Variants in SETD1A observed in about 807,000 individuals in gnomAD.
SETD1A encodes SET domain containing 1A, histone lysine methyltransferase.
SETD1A carries 29 observed loss-of-function variants against 149.9 expected under a neutral mutation model. That is an observed-to-expected ratio of 0.19 (90% CI 0.14 to 0.26). The LOEUF (loss-of-function observed/expected upper bound fraction) is 0.26, where lower values mean the gene tolerates loss of function less well. Among genes scored for constraint, SETD1A ranks in the 10% least tolerant of loss-of-function variants. The probability of loss-of-function intolerance (pLI) is 1.00; values close to 1 mark genes in which losing one functional copy is unlikely to be tolerated. For missense variants in SETD1A, 2,109 were observed against 2,353.1 expected (o/e 0.90, Z 2.15); for synonymous variants, 1,141 against 968.5 (o/e 1.18, Z -3.31).
chr16:30,970,099 C>T (rs8050229), intron 12 of SETD1A, among the ~76,000 whole-genome samples: 13,727 of 151,684 alleles, frequency 0.09, 1,873 homozygotes, highest in African/African-American at 0.3. Context: ...TCCGTTGTAG[C>T]TGGGATTACA....
Position 30,979,940 on chromosome 16 carries a change from G to C in SETD1A, c.4154G>C (p.Gly1385Ala), listed in dbSNP as rs2056346112. 6 of 1,533,810 alleles carry C rather than the reference G, an allele frequency of 3.9e-6. No homozygotes were observed. The highest frequency in any genetic ancestry group is 2.3e-4 in the Middle Eastern group (1 of 4,384). Residue 1385 changes from glycine to alanine, a missense_variant, in exon 14 of 19, where the codon GGG (glycine) becomes GCG (alanine). Physicochemically the swap from Gly to Ala is moderately conservative, Grantham distance 60. Transcript: ENST00000262519. ...ESSDSSSSSD[G>A]EGALRRRSLR... ...TCTGACAGCAGCAGCAGCAGCGATG[G>C]GGAGGGCGCCCTCCGGAGGCGCAGC...
At position 30,961,533 on chromosome 16, in the gene SETD1A, C is replaced by T; in HGVS notation, c.513C>T (p.Ile171=). The T allele has an allele frequency of 6.2e-7, 1 of 1,613,532 alleles. No individual in the cohort carries two copies. The highest frequency in any genetic ancestry group is 1.1e-5 in the South Asian group (1 of 91,012). Residue 171 remains isoleucine (I), a synonymous_variant, in exon 4 of 19, where the codon ATC becomes ATT. Transcript: ENST00000262519. This position sits in a 1 kb window ranked among gnomAD's most constrained non-coding sequence, Gnocchi z 4.0. The stretch of plus-strand genomic sequence containing the variant: ...ACATCATCCATGCCCAGCTTGACAT[C>T]AAAGGTGAGGACTCCTCTGCCTGCC... The part of the protein sequence containing the change: ...MGNIIHAQLD[I]KGQQRMKYYE...
Position 30,966,016 on chromosome 16 carries a change from G to A in SETD1A, c.2135G>A (p.Gly712Glu). Residue 712 changes from glycine to glutamate, a missense_variant, in exon 8 of 19, where the codon GGG becomes GAG. Physicochemically the swap from Gly to Glu is moderately conservative, Grantham distance 98 (BLOSUM62 -2). Around this residue, in one of 8 missense-constraint regions of SETD1A, gnomAD observed 431 missense variants for 388.6 expected, o/e 1.11. Transcript: ENST00000262519. The part of the protein sequence containing the change: ...ASAGPPGGAF[G>E]EAFLPFPPPQ... ...GCTGGCCCCCCCGGTGGGGCCTTTG[G>A]GGAGGCCTTCCTCCCGTTTCCACCC... 2 of 1,568,230 alleles carry A rather than the reference G, an allele frequency of 1.3e-6. No homozygotes were observed. The highest frequency in any genetic ancestry group is 1.8e-5 in the Admixed American group (1 of 54,278).
At chr16:30,962,333 G>A (rs1304807773) in intron 4 of SETD1A, among the ~76,000 whole-genome samples, 1 of 152,118 alleles carries the variant, frequency 6.6e-6, no homozygotes, top group Non-Finnish European at 1.5e-5. Flanking sequence ...CCAAAGTACT[G>A]GTATTACAGG....
rs1416334764 is a variant in SETD1A, at chr16:30,965,671, C to T, written c.1790C>T (p.Ala597Val). 1 of 1,608,180 alleles carries T rather than the reference C, an allele frequency of 6.2e-7. No homozygotes were observed. The highest frequency in any genetic ancestry group is 1.4e-5 in the African/African-American group (1 of 73,938). Reference protein sequence around the residue: ...DDDRGGSPPPAPTPPQQPPPP... With the variant: ...DDDRGGSPPPVPTPPQQPPPP... ...GACCGGGGTGGCTCACCCCCTCCGG[C>T]CCCGACGCCCCCTCAGCAGCCTCCG... The change falls in exon 8 of 19, where the codon GCC becomes GTC. Residue 597 changes from alanine (A) to valine (V), a missense_variant. Around this residue, in one of 8 missense-constraint regions of SETD1A, gnomAD observed 431 missense variants for 388.6 expected, o/e 1.11. Coordinates refer to ENST00000262519, the MANE Select transcript of SETD1A (RefSeq NM_014712.3).
At chr16:30,967,912 A>G (rs2056170479) in intron 10 of SETD1A, among the ~76,000 whole-genome samples, 1 of 152,098 alleles carries the variant, frequency 6.6e-6, no homozygotes, top group Non-Finnish European at 1.5e-5. Flanking sequence ...ATGCCCTCCT[A>G]CCACCTTCCT....
In SETD1A at chr16:30,965,256, T is replaced by C; in HGVS notation, c.1514T>C (p.Phe505Ser). The change falls in exon 7 of 19, where the codon TTC (phenylalanine) becomes TCC (serine). Residue 505 changes from phenylalanine (F) to serine (S), a missense_variant. Physicochemically the swap from Phe to Ser is radical, Grantham distance 155. Transcript: ENST00000262519. ...LLKEQRSKFS[F>S]LASDTEEEEE... ...AAGGAGCAGCGCTCCAAGTTTTCCT[T>C]CTTGGCCTCTGACACAGAGGAGGAG... The C allele has an allele frequency of 6.2e-7, 1 of 1,614,210 alleles. No individual in the cohort carries two copies. Among genetic ancestry groups the C allele is most frequent in the Non-Finnish European group, 8.5e-7 (1 of 1,180,036 alleles).
In SETD1A at chr16:30,965,100, GAGA is replaced by G. The variant is rs765988427; in HGVS notation, c.1364_1366del (p.Glu455del). ...GGTGGAGGAGGGCCCAGCCCTGAGA[GAGA>G]AGAAGTTCGGACTTCCCCCCGCCCA... On this transcript the variant is annotated inframe_deletion, in exon 7 of 19. Transcript: ENST00000262519. The G allele has an allele frequency of 1.6e-3, 2,586 of 1,611,634 alleles. 3 individuals are homozygous for G. Among genetic ancestry groups the G allele is most frequent in the Non-Finnish European group, 2.0e-3 (2,361 of 1,179,910 alleles).
rs748411555 is a variant in SETD1A at position 30,963,430 on chromosome 16, C to T, written c.518-3C>T. The T allele has an allele frequency of 1.9e-6, 3 of 1,600,332 alleles. No individual in the cohort carries two copies. The highest frequency in any genetic ancestry group is 2.2e-5 in the South Asian group (2 of 89,120). On this transcript the variant is annotated splice_region_variant and splice_polypyrimidine_tract_variant and intron_variant, in intron 4 of 18. Transcript: ENST00000262519. ...CAATTGGTTCCCATTTCCCTCCCTC[C>T]AGGACAACAACGAATGAAATACTAT...
chr16:30,962,994 C>G (rs1200862995), intron 4 of SETD1A, among the ~76,000 whole-genome samples: 2 of 152,218 alleles, frequency 1.3e-5, no homozygotes, highest in African/African-American at 4.8e-5. Context: ...GTTCACTCCA[C>G]AGCTCCTGCA....
intron 12 of SETD1A, among the ~76,000 whole-genome samples, chr16:30,970,849 A>G (rs568623904): frequency 1.1e-4 from 17 of 152,146 alleles, no homozygotes; most frequent in South Asian, 2.1e-4. Flanking sequence ...AACTTATCCA[A>G]TTCTGTTCCT....
At position 30,971,315 on chromosome 16, in the gene SETD1A, G is replaced by C. The variant is rs961535454; in HGVS notation, c.3017-63G>C. On this transcript the variant is annotated intron_variant, in intron 12 of 18. Transcript: ENST00000262519. ...GCATCCACAGCAGGGAGTGAGTGAG[G>C]AGCCCACGGCTGGCCAAGTGAGGTC... The C allele has an allele frequency of 7.4e-5, 110 of 1,490,254 alleles. 1 individual carries two copies. The Admixed American group carries it at 2.2e-3, about 30-fold the overall frequency. The allele number at this position is 1,490,254 out of a possible 1,614,324, so 92.3% of individuals were successfully genotyped here.
At position 30,979,647 on chromosome 16, in the gene SETD1A, G is replaced by A; in HGVS notation, c.3861G>A (p.Glu1287=). The A allele has an allele frequency of 1.2e-6, 2 of 1,609,916 alleles. No homozygotes were observed. Among genetic ancestry groups the A allele is most frequent in the Non-Finnish European group, 1.7e-6 (2 of 1,179,716 alleles). ...SEATETSDEA[E]RPRPLLSHIL... ...CCACAGAGACATCGGACGAGGCCGA[G>A]CGCCCTAGGCCCCTGCTCAGCCACA... Residue 1287 remains glutamate (E), a synonymous_variant, in exon 14 of 19, where the codon GAG becomes GAA. Coordinates refer to ENST00000262519, the MANE Select transcript of SETD1A (RefSeq NM_014712.3).
chr16:30,964,846 G>T lies in SETD1A; in HGVS notation c.1104G>T (p.Ala368=), dbSNP rs757732709. The stretch of plus-strand genomic sequence containing the variant: ...GTAGTTCTGATGCAAACTACCCAGC[G>T]TATTATGAAAGCTGGAATCGCTACC... ...QFRSSDANYP[A]YYESWNRYQR... is the part of the protein sequence containing the mutation. Residue 368 remains alanine, a synonymous_variant, in exon 7 of 19, where the codon GCG becomes GCT. Coordinates refer to ENST00000262519, the MANE Select transcript of SETD1A (RefSeq NM_014712.3). 1 of 1,614,014 alleles carries T rather than the reference G, an allele frequency of 6.2e-7. No individual in the cohort carries two copies. The highest frequency in any genetic ancestry group is 1.3e-5 in the African/African-American group (1 of 74,894).
At chr16:30,959,389 C>G (rs550922008) in intron 3 of SETD1A, among the ~76,000 whole-genome samples, 1 of 152,214 alleles carries the variant, frequency 6.6e-6, no homozygotes, top group East Asian at 1.9e-4. Flanking sequence ...CTAAGTGTAT[C>G]CCTGGTGGCT....
At position 30,957,780 on chromosome 16, in the gene SETD1A, G is replaced by A. The variant is rs958584834; in HGVS notation, c.-200G>A. 5.9e-5 allele frequency: 9 copies of A among 152,246 alleles called. No individual in the cohort carries two copies. Among genetic ancestry groups the A allele is most frequent in the Non-Finnish European group, 1.0e-4 (7 of 68,042 alleles). 9.4% of individuals were successfully genotyped at this position (152,246 alleles called of 1,614,324 possible). A position where few individuals can be genotyped will look rare whatever the true frequency, so the allele number is the denominator to read the frequency against. ...TCAAGGTCCCGGGCCGCAGCATCTA[G>A]ATCGTCGTGGCGAAGCCGACTCTCC... is the stretch of plus-strand genomic sequence containing the variant. On this transcript the variant is annotated 5_prime_UTR_variant, in exon 1 of 19. Transcript: ENST00000262519.
chr16:30,973,711 G>A (rs905042990), intron 13 of SETD1A, among the ~76,000 whole-genome samples: 6 of 152,084 alleles, frequency 3.9e-5, no homozygotes, highest in African/African-American at 7.2e-5. Context: ...CCAGTTGCAC[G>A]TTGTTGAGAA....
chr16:30,969,850 C>G (rs973031832), intron 12 of SETD1A, among the ~76,000 whole-genome samples, 161 bp downstream of exon 12: 1 of 152,124 alleles, frequency 6.6e-6, no homozygotes, highest in Non-Finnish European at 1.5e-5. Context: ...AACCCTTGGC[C>G]CCTTGACAGC....
In SETD1A at chr16:30,980,132, G is replaced by A. The variant is rs752811301; in HGVS notation, c.4346G>A (p.Arg1449Gln). 51 of 1,611,686 alleles carry A rather than the reference G, an allele frequency of 3.2e-5. No homozygotes were observed. The highest frequency in any genetic ancestry group is 4.5e-5 in the East Asian group (2 of 44,878). Reference sequence around the variant, plus strand: ...AGTTACCTGCGGCTTACGTACGAGCGGCTGCTGCAGCAGACAAGCGGGGCT... The same window carrying A: ...AGTTACCTGCGGCTTACGTACGAGCAGCTGCTGCAGCAGACAAGCGGGGCT... ...DMSYLRLTYERLLQQTSGADW... is the reference protein window; with the variant it reads ...DMSYLRLTYEQLLQQTSGADW... Residue 1449 changes from arginine (R) to glutamine (Q), a missense_variant, in exon 14 of 19, where the codon CGG (arginine) becomes CAG (glutamine). By Grantham distance (43) the Arg-to-Gln change is conservative. Coordinates refer to ENST00000262519, the MANE Select transcript of SETD1A (RefSeq NM_014712.3). The surrounding 1 kb of genome is among the most constrained non-coding windows in gnomAD (Gnocchi z 7.7).
Sources: allele counts gnomAD v4.1 joint callset (sites outside exome capture counted in the v4.1 genomes callset), GRCh38; gene constraint gnomAD v4.1.1; regional missense constraint gnomAD v4.1.1; non-coding constraint Gnocchi (gnomAD v3.1); transcripts MANE v1.5; gene names NCBI Gene and HGNC (gene_info 2026-07-23, HGNC 2026-07-21).